Variants in CD8B observed in about 807,000 individuals in gnomAD.
The protein encoded by CD8B is T-cell surface glycoprotein CD8 beta chain.
A neutral mutation model predicts 24.2 loss-of-function variants in CD8B; 6 were observed. That is an observed-to-expected ratio of 0.25 (90% CI 0.14 to 0.49). CD8B has a LOEUF of 0.49. CD8B is among the 20% of genes least tolerant of loss of function. The pLI is 0.98. For synonymous variants in CD8B, 84 were observed against 108.3 expected (o/e 0.78, Z 1.39); for missense variants, 196 against 271.3 (o/e 0.72, Z 1.95).
At chr2:86,845,274 C>T (rs1439310262) in intron 4 of CD8B, among the ~76,000 whole-genome samples, 4 of 152,188 alleles carry the variant, frequency 2.6e-5, no homozygotes, top group Non-Finnish European at 4.4e-5. Context: ...TAGTCAGCTG[C>T]AGAGTCTGTG....
chr2:86,829,622 G>C (rs1008348840), intron 5 of CD8B, among the ~76,000 whole-genome samples: 1 of 152,158 alleles, frequency 6.6e-6, no homozygotes, highest in Admixed American at 6.5e-5. Flanking sequence ...CAACCTTGGC[G>C]TTATTAATAC....
At chr2:86,842,373 A>G (rs1675477770) in intron 5 of CD8B, 54 bp from the exon 6 acceptor site, 1 of 1,582,582 alleles carries the variant, frequency 6.3e-7, no homozygotes, top group African/African-American at 1.3e-5. Context: ...ACGATATTGA[A>G]TTTCCTGTAA....
intron 3 of CD8B, among the ~76,000 whole-genome samples, chr2:86,850,188 T>C (rs1675906852): frequency 6.6e-6 from 1 of 152,138 alleles, no homozygotes; most frequent in Non-Finnish European, 1.5e-5. Flanking sequence ...AAGCTGCTGC[T>C]GCAAATAACG....
At position 86,838,742 on chromosome 2, in the gene CD8B, T is replaced by A. The variant is rs1380928655; in HGVS notation, c.*3565A>T. Among the ~76,000 whole-genome samples the A allele has an allele frequency of 6.6e-6, 1 of 152,208 alleles. No homozygotes were observed. The highest frequency in any genetic ancestry group is 1.5e-5 in the Non-Finnish European group (1 of 68,030). On this transcript the variant is annotated 3_prime_UTR_variant, in exon 6 of 6. Coordinates refer to ENST00000390655, the MANE Select transcript of CD8B (RefSeq NM_004931.5). The stretch of plus-strand genomic sequence containing the variant: ...CTCTCAAACTCCTGAGCTCAAGTGA[T>A]CATTCTGTGTGGGCCTCCCAAAGTA...
In CD8B at chr2:86,841,110, G is replaced by T. The variant is rs529771617; in HGVS notation, c.*1197C>A. 1.5e-4 allele frequency among the ~76,000 whole-genome samples: 22 copies of T among 149,838 alleles called. No individual in the cohort carries two copies. The highest frequency in any genetic ancestry group is 5.2e-4 in the African/African-American group (21 of 40,632). ...AGGCTGCTAAAGCTCAGGTAGGGGC[G>T]GCTAAGATGGGTCTCAGGCACTTTT... On this transcript the variant is annotated 3_prime_UTR_variant, in exon 6 of 6. Transcript: ENST00000390655.
At chr2:86,850,739 A>G (rs1032810228) in intron 3 of CD8B, among the ~76,000 whole-genome samples, 1 of 151,998 alleles carries the variant, frequency 6.6e-6, no homozygotes, top group Non-Finnish European at 1.5e-5. Context: ...ATTCTTAATA[A>G]CCTATTAATG....
rs569601493 is a variant in CD8B at position 86,859,699 on chromosome 2, T to C, written c.44-1283A>G. On this transcript the variant is annotated intron_variant, in intron 1 of 5. Coordinates refer to ENST00000390655, the MANE Select transcript of CD8B (RefSeq NM_004931.5). ...ATCTGACCTGGTGAGCCCTTCATTTTGGCTGTGGAGCAAAGGGAGACATTG... is the reference window on the plus strand; with the variant it reads ...ATCTGACCTGGTGAGCCCTTCATTTCGGCTGTGGAGCAAAGGGAGACATTG... Among the ~76,000 whole-genome samples the C allele has an allele frequency of 4.0e-3, 600 of 151,264 alleles. 5 individuals carry two copies. The highest frequency in any genetic ancestry group is 0.018 in the South Asian group (87 of 4,752).
chr2:86,855,673 G>A (rs540000848), intron 2 of CD8B, among the ~76,000 whole-genome samples: 2 of 152,330 alleles, frequency 1.3e-5, no homozygotes, highest in Admixed American at 6.5e-5. Context: ...GTCGGAGAGC[G>A]TGCAACGAGC....
chr2:86,826,504 C>T (rs1222623159), intron 5 of CD8B, among the ~76,000 whole-genome samples: 2 of 152,074 alleles, frequency 1.3e-5, no homozygotes, highest in Non-Finnish European at 2.9e-5. Context: ...ATGGGAGAGG[C>T]GGTGACCCAG....
downstream of CD8B, among the ~76,000 whole-genome samples, chr2:86,835,812 T>A (rs1477878742): frequency 6.8e-6 from 1 of 147,786 alleles, no homozygotes; most frequent in Non-Finnish European, 1.5e-5. Context: ...CCTCTGCTTG[T>A]GTTGGTATCA....
At chr2:86,829,401 G>T (rs956582654) in intron 5 of CD8B, among the ~76,000 whole-genome samples, 2 of 152,052 alleles carry the variant, frequency 1.3e-5, no homozygotes, top group African/African-American at 4.8e-5. Flanking sequence ...CACCGCGCCT[G>T]GCTGGCATAT....
chr2:86,838,686 G>A lies in CD8B; in HGVS notation c.*3621C>T, dbSNP rs567535629. Reference sequence around the variant, plus strand: ...GAAAAAAATTTAAAAATTTTTTGTAGAGTCGAGGTCTTGCTATGTTGCCTA... The same window carrying A: ...GAAAAAAATTTAAAAATTTTTTGTAAAGTCGAGGTCTTGCTATGTTGCCTA... On this transcript the variant is annotated 3_prime_UTR_variant, in exon 6 of 6. Transcript: ENST00000390655. 6.6e-6 allele frequency among the ~76,000 whole-genome samples: 1 copy of A among 152,186 alleles called. No individual in the cohort carries two copies. Among genetic ancestry groups the A allele is most frequent in the East Asian group, 1.9e-4 (1 of 5,172 alleles).
chr2:86,830,071 T>C (rs555579331), intron 5 of CD8B, among the ~76,000 whole-genome samples: 3 of 152,352 alleles, frequency 2.0e-5, no homozygotes, highest in South Asian at 4.1e-4. Context: ...TAGCATGTTT[T>C]TCTTTTTTTT....
intron 4 of CD8B, among the ~76,000 whole-genome samples, chr2:86,846,077 G>C (rs1302309113): frequency 6.6e-6 from 1 of 152,130 alleles, no homozygotes; most frequent in Non-Finnish European, 1.5e-5. Context: ...AGCCATGCAG[G>C]CCTCCCCTCT....
chr2:86,850,957 G>A (rs1675944839), intron 3 of CD8B, among the ~76,000 whole-genome samples: 1 of 152,012 alleles, frequency 6.6e-6, no homozygotes, highest in South Asian at 2.1e-4. Context: ...CAAGCGTGGT[G>A]GTGGGCACCT....
downstream of CD8B, among the ~76,000 whole-genome samples, chr2:86,837,361 C>T (rs931150328): frequency 3.3e-5 from 5 of 152,112 alleles, no homozygotes; most frequent in Non-Finnish European, 5.9e-5. Flanking sequence ...TCACACGTGT[C>T]GTGCATATTT....
intron 1 of CD8B, among the ~76,000 whole-genome samples, chr2:86,859,200 C>A (rs1676446195): frequency 6.6e-6 from 1 of 151,880 alleles, no homozygotes; most frequent in African/African-American, 2.4e-5. Context: ...CTGGTAGGTA[C>A]AATTACAGCC....
intron 5 of CD8B, among the ~76,000 whole-genome samples, chr2:86,820,222 G>A (rs985511156): frequency 3.9e-5 from 6 of 152,228 alleles, no homozygotes; most frequent in African/African-American, 1.4e-4. Context: ...AGAAAGAGGC[G>A]TCAGTATTTG....
At position 86,839,200 on chromosome 2, in the gene CD8B, C is replaced by A. The variant is rs1010592702; in HGVS notation, c.*3107G>T. ...TTAAAAATATATGCATTTGTCATAA[C>A]CATCATTTGATATCAGCATATATGG... On this transcript the variant is annotated 3_prime_UTR_variant, in exon 6 of 6. Coordinates refer to ENST00000390655, the MANE Select transcript of CD8B (RefSeq NM_004931.5). 6.6e-6 allele frequency among the ~76,000 whole-genome samples: 1 copy of A among 152,166 alleles called. No homozygotes were observed. Among genetic ancestry groups the A allele is most frequent in the Non-Finnish European group, 1.5e-5 (1 of 68,038 alleles).
Sources: allele counts gnomAD v4.1 joint callset (sites outside exome capture counted in the v4.1 genomes callset), GRCh38; gene constraint gnomAD v4.1.1; transcripts MANE v1.5; gene names NCBI Gene and HGNC (gene_info 2026-07-23, HGNC 2026-07-21).